SBNO2: variants seen among roughly 807,000 people sequenced by gnomAD.
SBNO2 encodes the protein protein strawberry notch homolog 2.
In SBNO2, 89 loss-of-function variants were observed where a neutral mutation model predicts 146.3. The observed-to-expected ratio is 0.61, with a 90% CI of 0.51 to 0.73. SBNO2 has a LOEUF of 0.73. Ranked by LOEUF, SBNO2 falls within the 30% of genes least tolerant of loss-of-function variation. The pLI, the probability that SBNO2 is intolerant of heterozygous loss-of-function variation, is 0.00. For synonymous variants in SBNO2, 1,147 were observed against 892.6 expected (o/e 1.29, Z -5.08); for missense variants, 2,092 against 2,003.7 (o/e 1.04, Z -0.84).
In SBNO2 at chr19:1,150,469, T is replaced by C. The variant is rs2080232161; in HGVS notation, c.94-1027A>G. Among the ~76,000 whole-genome samples, 2 of 151,022 alleles carry C rather than the reference T, an allele frequency of 1.3e-5. No homozygotes were observed. The highest frequency in any genetic ancestry group is 2.4e-5 in the African/African-American group (1 of 40,832). ...GCCCCCACAGTCACGGGGGAGACCC[T>C]GCCGTCACGGATGCCCCCACGGTCA... is the stretch of plus-strand genomic sequence containing the variant. On this transcript the variant is annotated intron_variant, in intron 2 of 31. Coordinates refer to ENST00000361757, the MANE Select transcript of SBNO2 (RefSeq NM_014963.3). The surrounding 1 kb of genome is among the most constrained non-coding windows in gnomAD (Gnocchi z 6.2).
chr19:1,171,452 A>T (rs903533869), intron 1 of SBNO2, among the ~76,000 whole-genome samples: 2 of 152,148 alleles, frequency 1.3e-5, no homozygotes, highest in South Asian at 4.1e-4. Context: ...CGCTGGCGTC[A>T]TGGGGGGCTG....
At chr19:1,163,326 C>T (rs1212488543) in intron 1 of SBNO2, among the ~76,000 whole-genome samples, 6 of 152,196 alleles carry the variant, frequency 3.9e-5, no homozygotes, top group African/African-American at 1.4e-4. Flanking sequence ...GTGACGCGGC[C>T]GCAGACCAAG....
intron 3 of SBNO2, among the ~76,000 whole-genome samples, chr19:1,147,675 G>A (rs566837862): frequency 1.7e-4 from 26 of 152,004 alleles, no homozygotes; most frequent in South Asian, 4.1e-4. Context: ...CCTGGTGGGC[G>A]GGGGGACATC....
chr19:1,122,191 C>A lies in SBNO2; in HGVS notation c.1097G>T (p.Arg366Leu). ...IGESQAGGQH[R>L]TRLRQILDWC... ...GTCCAGGATCTGCCGGAGGCGAGTGCGGTGCTGGCCGCCGGCCTGGCTCTC... is the reference window on the plus strand; with the variant it reads ...GTCCAGGATCTGCCGGAGGCGAGTGAGGTGCTGGCCGCCGGCCTGGCTCTC... The change falls in exon 11 of 32, where the codon CGC becomes CTC. Residue 366 changes from arginine (R) to leucine (L), a missense_variant. Coordinates refer to ENST00000361757, the MANE Select transcript of SBNO2 (RefSeq NM_014963.3). The A allele has an allele frequency of 6.5e-7, 1 of 1,547,200 alleles. No individual in the cohort carries two copies. The highest frequency in any genetic ancestry group is 8.7e-7 in the Non-Finnish European group (1 of 1,145,830).
intron 4 of SBNO2, among the ~76,000 whole-genome samples, chr19:1,135,925 CTG>C (rs2080080900): frequency 6.6e-6 from 1 of 152,072 alleles, no homozygotes; most frequent in Non-Finnish European, 1.5e-5. Flanking sequence ...CAGAGCTGAA[CTG>C]TGTCCCCAAA....
At chr19:1,134,175 CT>C (rs2080063547) in intron 4 of SBNO2, among the ~76,000 whole-genome samples, 6 of 151,454 alleles carry the variant, frequency 4.0e-5, no homozygotes, top group South Asian at 2.1e-4. Context: ...CACGGGTGGA[CT>C]CACAGCTCAC....
chr19:1,167,651 C>T (rs976659439), intron 1 of SBNO2, among the ~76,000 whole-genome samples: 5 of 152,198 alleles, frequency 3.3e-5, no homozygotes, highest in African/African-American at 1.2e-4. Flanking sequence ...TGCCGGGACC[C>T]GAGGAATCCA....
chr19:1,108,419 G>T lies in SBNO2; in HGVS notation c.3902C>A (p.Ala1301Glu). The T allele has an allele frequency of 1.6e-5, 20 of 1,267,726 alleles. No homozygotes were observed. The highest frequency in any genetic ancestry group is 1.9e-5 in the Non-Finnish European group (19 of 1,001,570). 78.5% of individuals were successfully genotyped at this position (1,267,726 alleles called of 1,614,324 possible). ...GTCGCAGCCCTGGTGCGCGAGGGCC[G>T]CAGGGTCGGCCTGGGCGTCGGGGGT... ...LGTPDAQADP[A>E]ALAHQGCDIN... The change falls in exon 32 of 32, where the codon GCG (alanine) becomes GAG (glutamate). Residue 1301 changes from alanine (A) to glutamate (E), a missense_variant. Transcript: ENST00000361757.
intron 1 of SBNO2, among the ~76,000 whole-genome samples, chr19:1,167,812 G>A (rs763249927): frequency 6.6e-6 from 1 of 152,230 alleles, no homozygotes; most frequent in African/African-American, 2.4e-5. Context: ...CAGGCCGCGT[G>A]CACGGAAACC....
At chr19:1,156,923 C>G (rs937504986) in intron 1 of SBNO2, among the ~76,000 whole-genome samples, 1 of 151,944 alleles carries the variant, frequency 6.6e-6, no homozygotes. Context: ...CCTCTGCAAT[C>G]CCCCAGGACC....
chr19:1,158,243 C>A lies in SBNO2; in HGVS notation c.-126-3841G>T, dbSNP rs550121605. Among the ~76,000 whole-genome samples, 1 of 152,220 alleles carries A rather than the reference C, an allele frequency of 6.6e-6. No homozygotes were observed. The highest frequency in any genetic ancestry group is 1.5e-5 in the Non-Finnish European group (1 of 68,032). ...ACCTGTCGTGTGGAGCCCCTTCGCGCGCTCCGCCCTCAGACCCGAGCCGTC... is the reference window on the plus strand; with the variant it reads ...ACCTGTCGTGTGGAGCCCCTTCGCGAGCTCCGCCCTCAGACCCGAGCCGTC... On this transcript the variant is annotated intron_variant, in intron 1 of 31. Transcript: ENST00000361757. This position sits in a 1 kb window ranked among gnomAD's most constrained non-coding sequence, Gnocchi z 9.9.
In SBNO2 at chr19:1,108,139, G is replaced by T; in HGVS notation, c.*81C>A. 1 of 1,385,460 alleles carries T rather than the reference G, an allele frequency of 7.2e-7. No individual in the cohort carries two copies. Among genetic ancestry groups the T allele is most frequent in the Non-Finnish European group, 9.5e-7 (1 of 1,049,354 alleles). 85.8% of individuals were successfully genotyped at this position (1,385,460 alleles called of 1,614,324 possible). A position where few individuals can be genotyped will look rare whatever the true frequency, so the allele number is the denominator to read the frequency against. ...GGGCTCCTCTGAGCAGTGGTCAGGG[G>T]ACCTTGGCCCTGCTCCCCACCGCTG... On this transcript the variant is annotated 3_prime_UTR_variant, in exon 32 of 32. Transcript: ENST00000361757.
At position 1,154,246 on chromosome 19, in the gene SBNO2, C is replaced by T; in HGVS notation, c.31G>A (p.Asp11Asn). 1 of 1,271,120 alleles carries T rather than the reference C, an allele frequency of 7.9e-7. No homozygotes were observed. Among genetic ancestry groups the T allele is most frequent in the Non-Finnish European group, 9.9e-7 (1 of 1,007,320 alleles). 78.7% of individuals were successfully genotyped at this position (1,271,120 alleles called of 1,614,324 possible). A position where few individuals can be genotyped will look rare whatever the true frequency, so the allele number is the denominator to read the frequency against. Residue 11 changes from aspartate (D) to asparagine (N), a missense_variant, in exon 2 of 32, where the codon GAT becomes AAT. Asp to Asn is a conservative substitution (Grantham distance 23). Transcript: ENST00000361757. Reference sequence around the variant, plus strand: ...GGCGGGGGTTCATGCTGCGGGTAATCCCTGTCCATGGCGGGCCCCACTGCA... The same window carrying T: ...GGCGGGGGTTCATGCTGCGGGTAATTCCTGTCCATGGCGGGCCCCACTGCA... MLAVGPAMDR[D>N]YPQHEPPPAG...
chr19:1,120,758 T>C (rs1218917402), intron 11 of SBNO2, among the ~76,000 whole-genome samples: 2 of 152,180 alleles, frequency 1.3e-5, no homozygotes, highest in African/African-American at 4.8e-5. Flanking sequence ...AACCTCCGAC[T>C]CCCTGGTTCA....
In SBNO2 at chr19:1,108,785, G is replaced by A; in HGVS notation, c.3610C>T (p.Gln1204Ter). ...GCGCCCGCCGCCCACTCACCCACTTGCTTCTTCCTGTCCTTGGTCTTCAGC... is the reference window on the plus strand; with the variant it reads ...GCGCCCGCCGCCCACTCACCCACTTACTTCTTCCTGTCCTTGGTCTTCAGC... Reference protein sequence around the residue: ...VRLKTKDRKKQVGIKIPEGCV... With the variant: ...VRLKTKDRKK The change falls in exon 31 of 32, where the codon CAA becomes TAA. Residue 1204 changes from glutamine (Q) to a stop codon, truncating the protein, a stop_gained. Transcript: ENST00000361757. LOFTEE classifies it low-confidence loss of function (END_TRUNC). 1 of 1,602,684 alleles carries A rather than the reference G, an allele frequency of 6.2e-7. No individual in the cohort carries two copies.
Position 1,116,878 on chromosome 19 carries a change from C to T in SBNO2, c.1753G>A (p.Val585Met), listed in dbSNP as rs759963957. 7 of 1,587,842 alleles carry T rather than the reference C, an allele frequency of 4.4e-6. No individual in the cohort carries two copies. Among genetic ancestry groups the T allele is most frequent in the Non-Finnish European group, 4.3e-6 (5 of 1,170,430 alleles). The change falls in exon 16 of 32, where the codon GTG becomes ATG. Residue 585 changes from valine to methionine, a missense_variant. Physicochemically the swap from Val to Met is conservative, Grantham distance 21. Coordinates refer to ENST00000361757, the MANE Select transcript of SBNO2 (RefSeq NM_014963.3). ...AGGTGCCCATCGTTCTCCCCCAGCA[C>T]CTCCCGCGTGCGCGCCTCGCCCGTG... ...QSTGEARTREVLGENDGHLNC... is the reference protein window; with the variant it reads ...QSTGEARTREMLGENDGHLNC...
chr19:1,149,960 G>A (rs980777340), intron 2 of SBNO2, among the ~76,000 whole-genome samples: 3 of 152,212 alleles, frequency 2.0e-5, no homozygotes, highest in African/African-American at 4.8e-5. Context: ...TGATGTGCCC[G>A]GGAAGCTCAG....
chr19:1,145,104 G>GGC (rs1156746978), intron 4 of SBNO2, among the ~76,000 whole-genome samples: 1 of 151,522 alleles, frequency 6.6e-6, no homozygotes, highest in African/African-American at 2.4e-5. Context: ...GGCAGAGAGA[G>GGC]ATTGAGAGGG....
intron 19 of SBNO2, among the ~76,000 whole-genome samples, 187 bp downstream of exon 19, chr19:1,113,348 C>CGAG (rs2079790401): frequency 1.3e-5 from 2 of 152,240 alleles, no homozygotes; most frequent in South Asian, 2.1e-4. Context: ...CACAGGAGGT[C>CGAG]GTGGCCTCCC....
Sources: allele counts gnomAD v4.1 joint callset (sites outside exome capture counted in the v4.1 genomes callset), GRCh38; gene constraint gnomAD v4.1.1; non-coding constraint Gnocchi (gnomAD v3.1); transcripts MANE v1.5; gene names NCBI Gene and HGNC (gene_info 2026-07-23, HGNC 2026-07-21).